Variants in CLEC18B observed in about 807,000 individuals in gnomAD.
CLEC18B encodes the protein C-type lectin domain family 18 member B, also known as mannose receptor-like 2.
A neutral mutation model predicts 60.4 loss-of-function variants in CLEC18B; 5 were observed. The observed-to-expected ratio is 0.08, with a 90% CI of 0.04 to 0.17. CLEC18B has a LOEUF of 0.17. Among genes scored for constraint, CLEC18B ranks in the 10% least tolerant of loss-of-function variants. The pLI is 1.00. For missense variants in CLEC18B, 26 were observed against 572.8 expected, an observed-to-expected ratio of 0.05 and a Z score of 9.74; for synonymous variants, 16 against 221.2, an observed-to-expected ratio of 0.07 and a Z score of 8.23.
rs531209204 is a variant in CLEC18B, at chr16:74,421,285, C to G, written c.-15G>C. ...GGATGCAGCATGGGTCTGTTGGGCC[C>G]GTCAGGCGCTCCGTGCACAGCCTGG... is the stretch of plus-strand genomic sequence containing the variant. On this transcript the variant is annotated 5_prime_UTR_variant, in exon 1 of 12. Coordinates refer to ENST00000682950, the MANE Select transcript of CLEC18B (RefSeq NM_001385193.1). 1 of 1,604,214 alleles carries G rather than the reference C, an allele frequency of 6.2e-7. No homozygotes were observed. Among genetic ancestry groups the G allele is most frequent in the Non-Finnish European group, 8.5e-7 (1 of 1,174,206 alleles).
chr16:74,416,153 C>T (rs1300981340), intron 3 of CLEC18B, among the ~76,000 whole-genome samples: 1 of 151,388 alleles, frequency 6.6e-6, no homozygotes, highest in East Asian at 2.0e-4. Flanking sequence ...GTCCCAGCTA[C>T]TAGGGAGGCT....
intron 2 of CLEC18B, among the ~76,000 whole-genome samples, chr16:74,419,923 G>A (rs1209040418): frequency 6.6e-6 from 1 of 151,996 alleles, no homozygotes; most frequent in Non-Finnish European, 1.5e-5. Flanking sequence ...GCCTCCAGAT[G>A]ACAGTCCCAA....
At chr16:74,416,963 G>A (rs1284802649) in intron 3 of CLEC18B, among the ~76,000 whole-genome samples, 15 of 152,100 alleles carry the variant, frequency 9.9e-5, no homozygotes, top group African/African-American at 2.4e-4. Flanking sequence ...GAGTGGGGCC[G>A]TTTTAAATTT....
intron 10 of CLEC18B, among the ~76,000 whole-genome samples, chr16:74,410,321 C>G (rs149457415): frequency 0.019 from 2,778 of 148,036 alleles, no homozygotes; most frequent in African/African-American, 0.071. Context: ...CTTCCTGGGT[C>G]CCTCTCTCCC....
At chr16:74,409,699 G>C in intron 10 of CLEC18B, 58 bp from the exon 11 acceptor site, 1 of 1,613,836 alleles carries the variant, frequency 6.2e-7, no homozygotes, top group Non-Finnish European at 8.5e-7. Flanking sequence ...TCCGGGAGAG[G>C]CCTAAGCCCT....
At chr16:74,416,957 G>C (rs1310750658) in intron 3 of CLEC18B, among the ~76,000 whole-genome samples, 1 of 152,096 alleles carries the variant, frequency 6.6e-6, no homozygotes, top group Non-Finnish European at 1.5e-5. Context: ...GGGTAAGAGT[G>C]GGGCCGTTTT....
At chr16:74,424,187 G>A (rs146045681), upstream of CLEC18B, among the ~76,000 whole-genome samples, 1,694 of 148,626 alleles carry the variant, frequency 0.011, 15 homozygotes, top group African/African-American at 0.039. Flanking sequence ...TATAGCGTTC[G>A]AGTCATTTTG....
At chr16:74,421,927 C>G (rs956022778), upstream of CLEC18B, 12 of 140,280 alleles carry the variant, frequency 8.6e-5, no homozygotes, top group African/African-American at 2.7e-4. Context: ...CGCACCTGCA[C>G]GAGGAAAAGG....
chr16:74,413,815 G>T lies in CLEC18B; in HGVS notation c.457-139C>A, dbSNP rs1370358300. The T allele has an allele frequency of 6.4e-6, 9 of 1,412,808 alleles. No homozygotes were observed. The Admixed American group carries it at 1.4e-4, about 22-fold the overall frequency. 87.5% of individuals were successfully genotyped at this position (1,412,808 alleles called of 1,614,324 possible). On this transcript the variant is annotated intron_variant, in intron 3 of 11. Transcript: ENST00000682950. ...CAGGAGCAGCAGCTGTCCTGGGCAG[G>T]GGTAGAAGCATGGGTGGGAATAGTT...
intron 3 of CLEC18B, among the ~76,000 whole-genome samples, chr16:74,415,966 C>T (rs1463294904): frequency 3.3e-5 from 5 of 151,666 alleles, no homozygotes; most frequent in Non-Finnish European, 7.4e-5. Context: ...TCTGACAAAA[C>T]TTAAGGAGCC....
chr16:74,422,916 C>T (rs2013735888), upstream of CLEC18B, among the ~76,000 whole-genome samples: 1 of 148,124 alleles, frequency 6.8e-6, no homozygotes, highest in African/African-American at 2.5e-5. Flanking sequence ...ATCTTCCCAC[C>T]TTGGCCTCCC....
At chr16:74,420,909 T>C (rs2549229) in intron 1 of CLEC18B, among the ~76,000 whole-genome samples, 67 of 119,294 alleles carry the variant, frequency 5.6e-4, no homozygotes, top group Middle Eastern at 7.2e-3. Context: ...GCCACAGCGC[T>C]CCTCGGCGTT....
At chr16:74,410,176 G>T (rs1487022966) in intron 10 of CLEC18B, among the ~76,000 whole-genome samples, 1 of 152,416 alleles carries the variant, frequency 6.6e-6, no homozygotes, top group Non-Finnish European at 1.5e-5. Flanking sequence ...AGTGCAGGTG[G>T]GTGACAGCTA....
intron 2 of CLEC18B, among the ~76,000 whole-genome samples, 169 bp downstream of exon 2, chr16:74,420,332 A>AC (rs1161493606): frequency 6.7e-6 from 1 of 149,906 alleles, no homozygotes; most frequent in East Asian, 2.0e-4. Context: ...AACTGCAGAG[A>AC]CCCCCAGCAA....
chr16:74,414,196 G>A (rs1249550315), intron 3 of CLEC18B, among the ~76,000 whole-genome samples: 1 of 152,292 alleles, frequency 6.6e-6, no homozygotes, highest in Non-Finnish European at 1.5e-5. Context: ...TCTTAGTTGA[G>A]AGGGGGATGG....
At chr16:74,410,329 C>T (rs1482400275) in intron 10 of CLEC18B, among the ~76,000 whole-genome samples, 36 of 152,288 alleles carry the variant, frequency 2.4e-4, no homozygotes, top group African/African-American at 8.2e-4. Context: ...GTCCCTCTCT[C>T]CCCCACGTGA....
At chr16:74,421,730 G>A (rs1449276539), upstream of CLEC18B, 102 of 243,744 alleles carry the variant, frequency 4.2e-4, no homozygotes, top group African/African-American at 2.1e-3. Context: ...CCCCAGCCCC[G>A]GGCCCTGGGA....
Position 74,413,243 on chromosome 16 carries a change from G to A in CLEC18B, c.555-85C>T, listed in dbSNP as rs2013264406. 18 of 1,611,866 alleles carry A rather than the reference G, an allele frequency of 1.1e-5. No individual in the cohort carries two copies. In the East Asian group the frequency reaches 4.0e-4, roughly 36 times the overall value. The stretch of plus-strand genomic sequence containing the variant: ...GCAGGGCCCTGCTGCCTACCTCCCT[G>A]GCCCCTTCAGCTCCTGCGGCCAGGC... On this transcript the variant is annotated intron_variant, in intron 4 of 11. Transcript: ENST00000682950.
intron 3 of CLEC18B, among the ~76,000 whole-genome samples, chr16:74,416,663 C>T (rs867499070): frequency 1.7e-4 from 24 of 142,760 alleles, no homozygotes; most frequent in South Asian, 1.3e-3. Flanking sequence ...CGTGAGCCAC[C>T]GCACCCAGCC....
Sources: allele counts gnomAD v4.1 joint callset (sites outside exome capture counted in the v4.1 genomes callset), GRCh38; gene constraint gnomAD v4.1.1; transcripts MANE v1.5; gene names NCBI Gene and HGNC (gene_info 2026-07-23, HGNC 2026-07-21).